Variants in PKIB observed in about 807,000 individuals in gnomAD.
The protein encoded by PKIB is PKI-beta.
Under a neutral mutation model 4.5 loss-of-function variants are expected in PKIB, and 2 were observed. The observed-to-expected ratio is 0.44, with a 90% CI of 0.18 to 1.39. The LOEUF is 1.39. Among genes scored for constraint, PKIB ranks in the 40% most tolerant of loss-of-function variants. The pLI, the probability that PKIB is intolerant of heterozygous loss-of-function variation, is 0.27. For synonymous variants in PKIB, 38 were observed against 36.0 expected (o/e 1.06, Z -0.20); for missense variants, 94 against 92.6 (o/e 1.02, Z -0.06).
At position 122,476,909 on chromosome 6, in the gene PKIB, G is replaced by A. The variant is rs560190423; in HGVS notation, c.-336-942G>A. ...GAAAGGAATCAACTAGTTCGATTTG[G>A]CACTCATCAGATTTTTGAATTCTTA... On this transcript the variant is annotated intron_variant, in intron 1 of 6. Coordinates refer to the PKIB transcript ENST00000392491. Among the ~76,000 whole-genome samples the A allele has an allele frequency of 1.5e-4, 23 of 152,202 alleles. 1 individual carries two copies. Among genetic ancestry groups the A allele is most frequent in the African/African-American group, 5.5e-4 (23 of 41,542 alleles).
chr6:122,648,182 T>C (rs1244042714), intron 2 of PKIB, among the ~76,000 whole-genome samples: 1 of 152,222 alleles, frequency 6.6e-6, no homozygotes, highest in South Asian at 2.1e-4. Flanking sequence ...TGGAACCCTT[T>C]CGTCTCCTAG....
intron 2 of PKIB, among the ~76,000 whole-genome samples, chr6:122,571,542 A>T (rs1773367400): frequency 6.6e-6 from 1 of 152,226 alleles, no homozygotes; most frequent in Non-Finnish European, 1.5e-5. Context: ...TCAGACTAAC[A>T]GCAGATTTCT....
chr6:122,567,739 C>G (rs1395778887), intron 2 of PKIB, among the ~76,000 whole-genome samples: 1 of 151,944 alleles, frequency 6.6e-6, no homozygotes, highest in Non-Finnish European at 1.5e-5. Context: ...GAGATACATG[C>G]AAAAATTTTC....
chr6:122,543,337 T>C (rs1772369394), intron 2 of PKIB, among the ~76,000 whole-genome samples: 1 of 150,694 alleles, frequency 6.6e-6, no homozygotes. Flanking sequence ...TATTCGGCCA[T>C]CTTGGCCCCA....
chr6:122,634,984 A>G (rs1418384053), intron 2 of PKIB, among the ~76,000 whole-genome samples: 3 of 152,038 alleles, frequency 2.0e-5, no homozygotes, highest in Admixed American at 6.6e-5. Flanking sequence ...ATTGAAACCT[A>G]CTTTTATTAT....
At chr6:122,701,497 C>CATTTTAT in intron 3 of PKIB, 1 of 1,596,846 alleles carries the variant, frequency 6.3e-7, no homozygotes, top group Non-Finnish European at 8.5e-7. Context: ...CATGTCACAC[C>CATTTTAT]AGGGTATAGT....
At chr6:122,632,267 C>T (rs2114822474) in intron 1 of PKIB, among the ~76,000 whole-genome samples, 1 of 152,300 alleles carries the variant, frequency 6.6e-6, no homozygotes, top group South Asian at 2.1e-4. Context: ...TAAAACTAGA[C>T]TCTTCCCTGC....
At chr6:122,489,680 T>C (rs1327945804) in intron 2 of PKIB, among the ~76,000 whole-genome samples, 1 of 152,256 alleles carries the variant, frequency 6.6e-6, no homozygotes, top group African/African-American at 2.4e-5. Flanking sequence ...TAAGTAATTT[T>C]CATAGAGCAA....
chr6:122,594,947 T>C (rs1774131439), intron 3 of PKIB, among the ~76,000 whole-genome samples: 1 of 152,224 alleles, frequency 6.6e-6, no homozygotes, highest in South Asian at 2.1e-4. Context: ...CTTTGCCTGT[T>C]TACTTAAAGG....
At chr6:122,668,860 C>G (rs948144133) in intron 2 of PKIB, among the ~76,000 whole-genome samples, 1 of 152,186 alleles carries the variant, frequency 6.6e-6, no homozygotes, top group Non-Finnish European at 1.5e-5. Context: ...ACCATATCTT[C>G]CAATGAAACA....
intron 1 of PKIB, among the ~76,000 whole-genome samples, chr6:122,621,122 G>A (rs1398798385): frequency 6.6e-6 from 1 of 152,164 alleles, no homozygotes; most frequent in East Asian, 1.9e-4. Context: ...TCACAGTTTA[G>A]GAGGAAGAAG....
intron 4 of PKIB, among the ~76,000 whole-genome samples, chr6:122,719,475 G>A (rs1483817640): frequency 6.6e-6 from 1 of 152,092 alleles, no homozygotes; most frequent in Non-Finnish European, 1.5e-5. Flanking sequence ...GCACAGAAAG[G>A]TAAATACCAC....
intron 2 of PKIB, chr6:122,484,197 A>AT (rs1284306823): frequency 2.0e-5 from 3 of 152,062 alleles, no homozygotes; most frequent in African/African-American, 7.2e-5. Context: ...GAAAAAAAAA[A>AT]CCACTCTTGC....
At chr6:122,648,874 G>T (rs1039101173) in intron 2 of PKIB, among the ~76,000 whole-genome samples, 19 of 152,206 alleles carry the variant, frequency 1.2e-4, no homozygotes, top group African/African-American at 4.3e-4. Context: ...AGCAGTGGCT[G>T]AAGTCAGGTT....
rs576771910 is a variant in PKIB, at chr6:122,540,892, T to C, written c.-247-45029T>C. Among the ~76,000 whole-genome samples the C allele has an allele frequency of 2.0e-5, 3 of 151,362 alleles. No individual in the cohort carries two copies. The East Asian group carries it at 5.8e-4, about 29-fold the overall frequency. On this transcript the variant is annotated intron_variant, in intron 2 of 6. Coordinates refer to the PKIB transcript ENST00000392491. ...GTATTGGGTGCATATATATTTAGGA[T>C]AGTTAGCTCTTCTTGTTGAATTGAT...
chr6:122,687,119 A>G (rs1032328875), intron 3 of PKIB, among the ~76,000 whole-genome samples: 1 of 152,148 alleles, frequency 6.6e-6, no homozygotes, highest in Admixed American at 6.5e-5. Flanking sequence ...TTAAGTCTTT[A>G]ATTCATTTTG....
chr6:122,537,807 G>A (rs535449169), intron 2 of PKIB, among the ~76,000 whole-genome samples: 1 of 151,986 alleles, frequency 6.6e-6, no homozygotes, highest in Non-Finnish European at 1.5e-5. Context: ...GTGTAAAAGT[G>A]TTCCTATTTC....
At chr6:122,586,810 C>T (rs1773861748) in intron 3 of PKIB, among the ~76,000 whole-genome samples, 2 of 152,056 alleles carry the variant, frequency 1.3e-5, no homozygotes, top group Admixed American at 6.6e-5. Context: ...AGAAACAACT[C>T]CAAGAACTCT....
intron 2 of PKIB, among the ~76,000 whole-genome samples, chr6:122,547,687 T>TGCAGCTCCAGCCACTCCCACGC (rs1284313399): frequency 6.6e-6 from 1 of 152,162 alleles, no homozygotes; most frequent in Non-Finnish European, 1.5e-5. Flanking sequence ...GGTCCGGCTC[T>TGCAGCTCCAGCCACTCCCACGC]GCAGCTCCAG....
Sources: allele counts gnomAD v4.1 joint callset (sites outside exome capture counted in the v4.1 genomes callset), GRCh38; gene constraint gnomAD v4.1.1; transcripts MANE v1.5; gene names NCBI Gene and HGNC (gene_info 2026-07-23, HGNC 2026-07-21).